The following SYNE1 variants were observed in gnomAD, a reference collection of about 807,000 sequenced individuals.
SYNE1 encodes the protein nesprin-1.
SYNE1 carries 616 observed loss-of-function variants against 1,111.0 expected under a neutral mutation model. That is an observed-to-expected ratio of 0.55 (90% confidence interval 0.52 to 0.59). The LOEUF (loss-of-function observed/expected upper bound fraction) is 0.59. Ranked by LOEUF, SYNE1 falls within the 20% of genes least tolerant of loss-of-function variation. The probability of loss-of-function intolerance (pLI) is 0.00; values close to 1 mark genes in which losing one functional copy is unlikely to be tolerated. For synonymous variants in SYNE1, 3,855 were observed against 3,825.8 expected, an observed-to-expected ratio of 1.01 and a Z score of -0.28; for missense variants, 10,006 against 10,417.0, an observed-to-expected ratio of 0.96 and a Z score of 1.72.
At chr6:152,620,409 G>A (rs1458777298) in intron 3 of SYNE1, among the ~76,000 whole-genome samples, 2 of 152,126 alleles carry the variant, frequency 1.3e-5, no homozygotes, top group African/African-American at 2.4e-5. Context: ...TTCTCCTGCT[G>A]TGTCTCCTCC....
chr6:152,408,139 A>G (rs775457892), intron 44 of SYNE1, among the ~76,000 whole-genome samples: 1 of 152,226 alleles, frequency 6.6e-6, no homozygotes, highest in Non-Finnish European at 1.5e-5. Flanking sequence ...TTACACAAAT[A>G]TCAAAGTCTA....
rs948490508 is a variant in SYNE1 at position 152,189,468 on chromosome 6, T to A, written c.23146-61A>T. The A allele has an allele frequency of 5.9e-6, 9 of 1,537,144 alleles. No individual in the cohort carries two copies. The African/African-American group carries it at 1.2e-4, about 21-fold the overall frequency. On this transcript the variant is annotated intron_variant, in intron 127 of 145. Transcript: ENST00000367255. ...TCTCCTGCCAATGATTTCTGAAGTG[T>A]TTTTGAATCCCCTCTTGATAGAATT...
intron 2 of SYNE1, among the ~76,000 whole-genome samples, chr6:152,631,623 C>A (rs1472074139): frequency 6.6e-6 from 1 of 152,070 alleles, no homozygotes; most frequent in Non-Finnish European, 1.5e-5. Flanking sequence ...AGAAGATGAC[C>A]AAAGACGGAA....
At chr6:152,192,638 A>AT (rs1438891881) in intron 127 of SYNE1, among the ~76,000 whole-genome samples, 1 of 151,686 alleles carries the variant, frequency 6.6e-6, no homozygotes, top group Admixed American at 6.6e-5. Context: ...TGTCCGACTA[A>AT]TTTTTTTGTA....
chr6:152,633,155 G>C (rs950479683), intron 2 of SYNE1, among the ~76,000 whole-genome samples: 3 of 152,150 alleles, frequency 2.0e-5, no homozygotes, highest in Non-Finnish European at 2.9e-5. Flanking sequence ...AGGATACTGC[G>C]GGAGCACGAA....
At chr6:152,203,016 C>G (rs928868998) in intron 126 of SYNE1, among the ~76,000 whole-genome samples, 1 of 152,026 alleles carries the variant, frequency 6.6e-6, no homozygotes, top group Non-Finnish European at 1.5e-5. Flanking sequence ...TAGGCCAGGG[C>G]AGGTGGTAGA....
intron 18 of SYNE1, among the ~76,000 whole-genome samples, chr6:152,464,307 G>A (rs536928383): frequency 7.9e-5 from 12 of 152,224 alleles, no homozygotes; most frequent in South Asian, 6.2e-4. Flanking sequence ...AATCCATTTC[G>A]TAAGCCTTGT....
At position 152,215,012 on chromosome 6, in the gene SYNE1, T is replaced by G; in HGVS notation, c.22240A>C (p.Asn7414His). 6.2e-7 allele frequency: 1 copy of G among 1,614,168 alleles called. No individual in the cohort carries two copies. Among genetic ancestry groups the G allele is most frequent in the Non-Finnish European group, 8.5e-7 (1 of 1,180,008 alleles). The change falls in exon 122 of 146, where the codon AAT becomes CAT. Residue 7414 changes from asparagine to histidine, a missense_variant. Around this residue, in one of 7 missense-constraint regions of SYNE1, gnomAD observed 2,182 missense variants for 2,287.8 expected, o/e 0.95. Transcript: ENST00000367255. ...SSMAPDLDRL[N>H]ELGYRLPLND... ...AAGGGTAACCTATATCCAAGCTCATTTAGACGGTCTAAATCTGGAGCCATG... is the reference window on the plus strand; with the variant it reads ...AAGGGTAACCTATATCCAAGCTCATGTAGACGGTCTAAATCTGGAGCCATG...
At position 152,412,851 on chromosome 6, in the gene SYNE1, AT is replaced by A. The variant is rs373723820; in HGVS notation, c.6230+500del. Among the ~76,000 whole-genome samples, 1,159 of 131,572 alleles carry A rather than the reference AT, an allele frequency of 8.8e-3. 13 individuals carry two copies. The highest frequency in any genetic ancestry group is 0.012 in the Admixed American group (154 of 12,970). 86.3% of individuals were successfully genotyped at this position (131,572 alleles called of 152,430 possible). A position where few individuals can be genotyped will look rare whatever the true frequency, so the allele number is the denominator to read the frequency against. ...CTTTAAGCATTCAATTTCACATGTA[AT>A]TTTTTTTTTTTTTTGGTGAGAAGGA... On this transcript the variant is annotated intron_variant, in intron 42 of 145. Transcript: ENST00000367255.
At chr6:152,271,955 ACGCT>A (rs2093246001) in intron 98 of SYNE1, among the ~76,000 whole-genome samples, 2 of 152,162 alleles carry the variant, frequency 1.3e-5, no homozygotes, top group South Asian at 4.1e-4. Context: ...TGAGCCCAAC[ACGCT>A]CTTCTACACC....
At chr6:152,236,024 G>A (rs747954530) in intron 110 of SYNE1, 83 bp downstream of exon 110, 435 of 1,453,260 alleles carry the variant, frequency 3.0e-4, no homozygotes, top group Non-Finnish European at 4.0e-4. Context: ...TTATAGGTTT[G>A]AGCCATCATC....
chr6:152,354,663 A>C lies in SYNE1; in HGVS notation c.10922T>G (p.Met3641Arg). Residue 3641 changes from methionine (M) to arginine (R), a missense_variant, in exon 67 of 146, where the codon ATG (methionine) becomes AGG (arginine). By Grantham distance (91) the Met-to-Arg change is moderately conservative. This residue lies in a region of SYNE1 where 4,955 missense variants were observed against 5,017.2 expected (regional missense o/e 0.99). Transcript: ENST00000367255. ...AGGAATCTACATGAGTTGTACCTTC[A>C]TCTGATGTAATTGTATCTCCTTGGT... ...RATKEIQLHQ[M>R]KKWHEEVTAY... 1 of 1,614,202 alleles carries C rather than the reference A, an allele frequency of 6.2e-7. No individual in the cohort carries two copies. The highest frequency in any genetic ancestry group is 2.2e-5 in the East Asian group (1 of 44,894).
In SYNE1 at chr6:152,396,794, A is replaced by C. The variant is rs1271079717; in HGVS notation, c.7537T>G (p.Cys2513Gly). The change falls in exon 50 of 146, where the codon TGT becomes GGT. Residue 2513 changes from cysteine to glycine, a missense_variant. Coordinates refer to ENST00000367255, the MANE Select transcript of SYNE1 (RefSeq NM_182961.4). ...CLKDKQALQD[C>G]ASELGSFEDQ... ...ACCTACCTTCCAAGTTCTGAAGCAC[A>C]GTCTTGAAGAGCCTGCTTATCTTTA... The C allele has an allele frequency of 2.5e-5, 40 of 1,614,050 alleles. No homozygotes were observed. Among genetic ancestry groups the C allele is most frequent in the Non-Finnish European group, 3.3e-5 (39 of 1,180,024 alleles).
At chr6:152,470,005 A>T (rs2098796505) in intron 16 of SYNE1, among the ~76,000 whole-genome samples, 1 of 152,276 alleles carries the variant, frequency 6.6e-6, no homozygotes, top group East Asian at 1.9e-4. Flanking sequence ...AAGAAACACG[A>T]GTGATAAGTA....
intron 14 of SYNE1, among the ~76,000 whole-genome samples, chr6:152,480,428 G>A (rs1482636808): frequency 6.6e-6 from 1 of 152,180 alleles, no homozygotes; most frequent in Non-Finnish European, 1.5e-5. Flanking sequence ...GGCTGAGGCA[G>A]GAGAATCGCT....
chr6:152,515,384 A>G (rs1362984316), intron 6 of SYNE1, among the ~76,000 whole-genome samples: 2 of 152,300 alleles, frequency 1.3e-5, no homozygotes, highest in East Asian at 3.9e-4. Flanking sequence ...TGCTTTCTAC[A>G]ATGAGGTATC....
chr6:152,234,028 A>T (rs1246874308), intron 111 of SYNE1, 65 bp from the exon 112 acceptor site: 3 of 1,543,094 alleles, frequency 1.9e-6, no homozygotes, highest in Non-Finnish European at 2.7e-6. Flanking sequence ...AAGGAAAGCG[A>T]CCAATTTAGT....
intron 112 of SYNE1, among the ~76,000 whole-genome samples, chr6:152,233,142 C>T (rs1346160770): frequency 1.3e-5 from 2 of 152,330 alleles, no homozygotes; most frequent in African/African-American, 2.4e-5. Flanking sequence ...ACATATATTA[C>T]GTTCTAAATC....
intron 42 of SYNE1, among the ~76,000 whole-genome samples, chr6:152,412,386 C>T (rs867305835): frequency 8.0e-5 from 12 of 150,076 alleles, no homozygotes; most frequent in African/African-American, 2.5e-4. Flanking sequence ...ATAGCGCCAC[C>T]GCACTCCAGC....
Sources: allele counts gnomAD v4.1 joint callset (sites outside exome capture counted in the v4.1 genomes callset), GRCh38; gene constraint gnomAD v4.1.1; regional missense constraint gnomAD v4.1.1; transcripts MANE v1.5; gene names NCBI Gene and HGNC (gene_info 2026-07-23, HGNC 2026-07-21).